Variants in CEP192 observed in about 807,000 individuals in gnomAD.
The protein encoded by CEP192 is centrosomal protein of 192 kDa.
CEP192 carries 151 observed loss-of-function variants against 271.8 expected under a neutral mutation model. The ratio of observed to expected loss-of-function variants is 0.56; its 90% confidence interval spans 0.49 to 0.64. The LOEUF (loss-of-function observed/expected upper bound fraction) is 0.64. Ranked by LOEUF, CEP192 falls within the 30% of genes least tolerant of loss-of-function variation. The pLI, the probability that CEP192 is intolerant of heterozygous loss-of-function variation, is 0.00. For missense variants in CEP192, 2,910 were observed against 3,020.5 expected (o/e 0.96, Z 0.86); for synonymous variants, 995 against 1,076.5 (o/e 0.92, Z 1.48).
At position 13,095,402 on chromosome 18, in the gene CEP192, A is replaced by T. The variant is rs476191; in HGVS notation, c.6255-101A>T. The T allele has an allele frequency of 0.4, 351,922 of 878,938 alleles. 71,296 individuals carry two copies. The highest frequency in any genetic ancestry group is 0.44 in the Admixed American group (17,847 of 40,786). 54.4% of individuals were successfully genotyped at this position (878,938 alleles called of 1,614,324 possible). Reference sequence around the variant, plus strand: ...TTGTCTTAATGTTTTTAGATTTATGAAGAATATAAAAATATGTGATACAAT... The same window carrying T: ...TTGTCTTAATGTTTTTAGATTTATGTAGAATATAAAAATATGTGATACAAT... On this transcript the variant is annotated intron_variant, in intron 34 of 44. Coordinates refer to ENST00000506447, the MANE Select transcript of CEP192 (RefSeq NM_032142.4).
intron 8 of CEP192, 113 bp from the exon 9 acceptor site, chr18:13,018,969 G>C: frequency 1.0e-6 from 1 of 993,682 alleles, no homozygotes. Context: ...ATTTGTCATA[G>C]GAGTGCTAAG....
intron 15 of CEP192, among the ~76,000 whole-genome samples, chr18:13,044,069 T>C (rs1299960348): frequency 6.6e-6 from 1 of 152,182 alleles, no homozygotes; most frequent in African/African-American, 2.4e-5. Context: ...CCTGTTGTGC[T>C]ATCAAATGAA....
Position 13,018,559 on chromosome 18 carries a change from C to T in CEP192, c.869C>T (p.Ser290Phe). ...CTGATTTCCCTCGACTCACACTCTT[C>T]TGAAACAACTCACAAAGAGTCTGAG... ...SSLISLDSHS[S>F]ETTHKESEES... The change falls in exon 8 of 45, where the codon TCT becomes TTT. Residue 290 changes from serine to phenylalanine, a missense_variant. Coordinates refer to ENST00000506447, the MANE Select transcript of CEP192 (RefSeq NM_032142.4). 1 of 1,542,132 alleles carries T rather than the reference C, an allele frequency of 6.5e-7. No homozygotes were observed.
Position 13,103,910 on chromosome 18 carries a change from G to A in CEP192, c.6951+322G>A, listed in dbSNP as rs760067078. 4.3e-5 allele frequency: 20 copies of A among 463,298 alleles called. 1 individual carries two copies. Among genetic ancestry groups the A allele is most frequent in the Middle Eastern group, 5.9e-4 (1 of 1,686 alleles). 28.7% of individuals were successfully genotyped at this position (463,298 alleles called of 1,614,324 possible). ...TCACCACACTGCCCAGGCTGGTCTC[G>A]ATCTCCTGACCTCAAGCAATCTTCC... On this transcript the variant is annotated intron_variant, in intron 39 of 44. Coordinates refer to ENST00000506447, the MANE Select transcript of CEP192 (RefSeq NM_032142.4).
Position 13,072,608 on chromosome 18 carries a change from T to C in CEP192, c.5349-147T>C, listed in dbSNP as rs2038069345. On this transcript the variant is annotated intron_variant, in intron 28 of 44. Coordinates refer to ENST00000506447, the MANE Select transcript of CEP192 (RefSeq NM_032142.4). ...ATTTCAGAAACGTAGAGCCTAGGACTGTGGGGAGACAATTCCAGGCTACTG... is the reference window on the plus strand; with the variant it reads ...ATTTCAGAAACGTAGAGCCTAGGACCGTGGGGAGACAATTCCAGGCTACTG... The C allele has an allele frequency of 1.7e-5, 11 of 648,558 alleles. No individual in the cohort carries two copies. In the East Asian group the frequency reaches 3.0e-4, roughly 18 times the overall value. 40.2% of individuals were successfully genotyped at this position (648,558 alleles called of 1,614,324 possible). A position where few individuals can be genotyped will look rare whatever the true frequency, so the allele number is the denominator to read the frequency against.
chr18:12,995,591 A>G (rs2033176755), intron 1 of CEP192, among the ~76,000 whole-genome samples: 1 of 152,206 alleles, frequency 6.6e-6, no homozygotes, highest in African/African-American at 2.4e-5. Context: ...TGGCAAACCA[A>G]ATGGGCAAAG....
intron 30 of CEP192, among the ~76,000 whole-genome samples, chr18:13,078,921 A>G (rs2038439128): frequency 6.6e-6 from 1 of 152,126 alleles, no homozygotes; most frequent in African/African-American, 2.4e-5. Flanking sequence ...TTTGCTGAGA[A>G]TGATGGTTTC....
At chr18:13,067,271 G>C (rs59557962) in intron 21 of CEP192, among the ~76,000 whole-genome samples, 1 of 151,900 alleles carries the variant, frequency 6.6e-6, no homozygotes, top group African/African-American at 2.4e-5. Context: ...ATTTCCTATC[G>C]GGGACATCCA....
chr18:13,072,870 TTA>T (rs889703460), intron 29 of CEP192, 25 bp downstream of exon 29: 3 of 1,573,048 alleles, frequency 1.9e-6, no homozygotes, highest in Non-Finnish European at 2.6e-6. Flanking sequence ...TGGATTCTTG[TTA>T]TGTCTTCTGT....
rs142224406 is a variant in CEP192 at position 13,076,152 on chromosome 18, C to T, written c.5616+2967C>T. On this transcript the variant is annotated intron_variant, in intron 30 of 44. Transcript: ENST00000506447. ...CATACAGCTCAACATTTCAGTAGCA[C>T]TGAGGTTAGGAGCAATAGTTTTTCC... 2.8e-4 allele frequency among the ~76,000 whole-genome samples: 43 copies of T among 152,306 alleles called. 1 individual carries two copies. The highest frequency in any genetic ancestry group is 9.9e-4 in the African/African-American group (41 of 41,576).
At chr18:13,013,089 C>T (rs925052698) in intron 5 of CEP192, 64 bp downstream of exon 5, 20 of 785,642 alleles carry the variant, frequency 2.5e-5, no homozygotes, top group African/African-American at 1.1e-4. Context: ...TTTCATATTT[C>T]GCATATATAA....
chr18:13,007,515 T>C (rs2034059681), intron 3 of CEP192, among the ~76,000 whole-genome samples: 1 of 152,184 alleles, frequency 6.6e-6, no homozygotes, highest in Admixed American at 6.5e-5. Context: ...ATTTATTTCC[T>C]GTCACCATCT....
chr18:13,019,699 T>A (rs2143199633), intron 9 of CEP192, among the ~76,000 whole-genome samples: 1 of 152,310 alleles, frequency 6.6e-6, no homozygotes, highest in East Asian at 1.9e-4. Flanking sequence ...ACTTGTCCAG[T>A]ACTGATTAAA....
intron 36 of CEP192, among the ~76,000 whole-genome samples, chr18:13,098,585 G>T (rs555991946): frequency 1.3e-5 from 2 of 151,624 alleles, no homozygotes; most frequent in East Asian, 3.9e-4. Context: ...GACGATGGGC[G>T]GCCGGGCAGA....
intron 5 of CEP192, among the ~76,000 whole-genome samples, chr18:13,013,337 G>A (rs571860143): frequency 6.6e-6 from 1 of 152,274 alleles, no homozygotes; most frequent in South Asian, 2.1e-4. Context: ...TTCTTTGTGT[G>A]TGTGTGTATG....
chr18:13,096,034 A>G (rs552314240), intron 35 of CEP192, 150 bp from the exon 36 acceptor site: 2 of 808,986 alleles, frequency 2.5e-6, no homozygotes, highest in African/African-American at 1.7e-5. Flanking sequence ...TTTGTTTACT[A>G]CCAAGGATTG....
intron 21 of CEP192, among the ~76,000 whole-genome samples, chr18:13,061,630 T>C (rs1432153105): frequency 1.3e-5 from 2 of 152,260 alleles, no homozygotes; most frequent in Non-Finnish European, 2.9e-5. Flanking sequence ...TTAGTGATCT[T>C]TTTCTTTTTG....
intron 5 of CEP192, among the ~76,000 whole-genome samples, chr18:13,014,140 T>C (rs1014131182): frequency 3.3e-5 from 5 of 152,216 alleles, no homozygotes; most frequent in African/African-American, 1.2e-4. Flanking sequence ...CCCTGCCCTA[T>C]GCACTCACCC....
At chr18:13,000,471 T>C (rs1000573451) in intron 2 of CEP192, 1 of 152,226 alleles carries the variant, frequency 6.6e-6, no homozygotes, top group Non-Finnish European at 1.5e-5. Context: ...TTTTGGGTCA[T>C]TGGATCTATT....
Sources: allele counts gnomAD v4.1 joint callset (sites outside exome capture counted in the v4.1 genomes callset), GRCh38; gene constraint gnomAD v4.1.1; transcripts MANE v1.5; gene names NCBI Gene and HGNC (gene_info 2026-07-23, HGNC 2026-07-21).